MINDY4: variants seen among roughly 807,000 people sequenced by gnomAD.
MINDY4 encodes the protein probable ubiquitin carboxyl-terminal hydrolase MINDY-4.
MINDY4 carries 68 observed loss-of-function variants against 87.0 expected under a neutral mutation model. That is an observed-to-expected ratio of 0.78 (90% CI 0.64 to 0.96). The LOEUF is 0.96. MINDY4 is among the 40% of genes least tolerant of loss of function. MINDY4 has a pLI of 0.00. For synonymous variants in MINDY4, 379 were observed against 363.2 expected (o/e 1.04, Z -0.50); for missense variants, 919 against 928.2 (o/e 0.99, Z 0.13).
chr7:30,852,973 C>T (rs1789458966), intron 11 of MINDY4, among the ~76,000 whole-genome samples: 1 of 152,214 alleles, frequency 6.6e-6, no homozygotes, highest in South Asian at 2.1e-4. Context: ...CTAAGGGCTG[C>T]TTCCTGCTGA....
chr7:30,825,018 G>A (rs1023732677), intron 5 of MINDY4, among the ~76,000 whole-genome samples: 1 of 152,182 alleles, frequency 6.6e-6, no homozygotes, highest in Non-Finnish European at 1.5e-5. Context: ...GGAGGTGGAG[G>A]CCTTAGCAGA....
chr7:30,786,115 G>A (rs2128166977), intron 4 of MINDY4, 123 bp downstream of exon 4: 1 of 1,333,908 alleles, frequency 7.5e-7, no homozygotes, highest in East Asian at 2.3e-5. Flanking sequence ...TCTGTGTGTG[G>A]GGTGGGAAGA....
intron 5 of MINDY4, among the ~76,000 whole-genome samples, chr7:30,792,985 C>T (rs942543970): frequency 5.4e-5 from 8 of 149,280 alleles, no homozygotes; most frequent in Non-Finnish European, 8.9e-5. Context: ...GTCTGTATTC[C>T]GTAAGTTAAT....
intron 9 of MINDY4, among the ~76,000 whole-genome samples, chr7:30,842,940 A>G (rs1001480866): frequency 7.9e-5 from 12 of 151,430 alleles, no homozygotes; most frequent in Non-Finnish European, 4.4e-5. Context: ...GCCTCCTGGG[A>G]CCTCCCCCAT....
intron 5 of MINDY4, among the ~76,000 whole-genome samples, chr7:30,813,252 G>A (rs1278429580): frequency 3.3e-5 from 5 of 152,196 alleles, no homozygotes; most frequent in Non-Finnish European, 7.3e-5. Context: ...GTGCTGCTTC[G>A]ATTTTTTCTT....
intron 5 of MINDY4, among the ~76,000 whole-genome samples, chr7:30,801,239 T>C (rs1311254353): frequency 6.6e-6 from 1 of 152,184 alleles, no homozygotes; most frequent in Non-Finnish European, 1.5e-5. Context: ...CTGCACCTCA[T>C]GGGATGAGTA....
chr7:30,866,082 A>G (rs1789926045), intron 13 of MINDY4, among the ~76,000 whole-genome samples: 1 of 152,202 alleles, frequency 6.6e-6, no homozygotes, highest in African/African-American at 2.4e-5. Context: ...CTGAGCTGTG[A>G]GGACAGTCAT....
At chr7:30,886,464 T>G (rs769146485) in intron 17 of MINDY4, among the ~76,000 whole-genome samples, 1 of 152,236 alleles carries the variant, frequency 6.6e-6, no homozygotes, top group Non-Finnish European at 1.5e-5. Context: ...GCAGCTTGCT[T>G]GGCTCTACAG....
At chr7:30,875,220 G>A (rs7783861) in intron 14 of MINDY4, among the ~76,000 whole-genome samples, 54,422 of 152,162 alleles carry the variant, frequency 0.36, 15,158 homozygotes, top group African/African-American at 0.77. Flanking sequence ...CCAGTAGCCT[G>A]CAGCATAGGA....
At chr7:30,823,956 A>G (rs950195175) in intron 5 of MINDY4, among the ~76,000 whole-genome samples, 3 of 152,168 alleles carry the variant, frequency 2.0e-5, no homozygotes, top group Non-Finnish European at 4.4e-5. Flanking sequence ...GGAAAAATTT[A>G]TGTTAATTTC....
intron 1 of MINDY4, among the ~76,000 whole-genome samples, chr7:30,772,804 C>T (rs1786684377): frequency 6.6e-6 from 1 of 152,192 alleles, no homozygotes; most frequent in African/African-American, 2.4e-5. Context: ...GGAAAGCTGA[C>T]TGTTAACATC....
intron 7 of MINDY4, among the ~76,000 whole-genome samples, chr7:30,837,026 G>A (rs10229281): frequency 0.15 from 22,562 of 152,058 alleles, 2,252 homozygotes; most frequent in East Asian, 0.39. Flanking sequence ...TGGGAATAGA[G>A]CTGCTTCATC....
chr7:30,785,512 A>G (rs557700387), intron 3 of MINDY4, among the ~76,000 whole-genome samples: 214 of 152,268 alleles, frequency 1.4e-3, no homozygotes, highest in African/African-American at 4.9e-3. Context: ...CCTGTTATGG[A>G]TCATCATCTC....
At chr7:30,827,506 A>T (rs1395044954) in intron 5 of MINDY4, among the ~76,000 whole-genome samples, 1 of 151,932 alleles carries the variant, frequency 6.6e-6, no homozygotes, top group Non-Finnish European at 1.5e-5. Flanking sequence ...CTATGCCTTA[A>T]CTCCTCTTTC....
intron 5 of MINDY4, among the ~76,000 whole-genome samples, chr7:30,805,846 G>A (rs373582763): frequency 2.0e-5 from 3 of 152,104 alleles, no homozygotes; most frequent in Non-Finnish European, 2.9e-5. Context: ...GAATAGGGCC[G>A]TTTATTCAGG....
At chr7:30,818,439 C>T (rs1788228922) in intron 5 of MINDY4, among the ~76,000 whole-genome samples, 1 of 152,138 alleles carries the variant, frequency 6.6e-6, no homozygotes, top group Non-Finnish European at 1.5e-5. Flanking sequence ...GGTGCTATTC[C>T]TAGTACTTGA....
chr7:30,777,208 G>A (rs1338080257), intron 1 of MINDY4, among the ~76,000 whole-genome samples: 4 of 151,982 alleles, frequency 2.6e-5, no homozygotes, highest in African/African-American at 7.3e-5. Context: ...TGTGCATCAC[G>A]CTCTAGAGCC....
chr7:30,790,260 G>A (rs1787280925), intron 4 of MINDY4, among the ~76,000 whole-genome samples: 1 of 152,078 alleles, frequency 6.6e-6, no homozygotes, highest in Non-Finnish European at 1.5e-5. Context: ...AGGAAGTACA[G>A]TGCATGAGCC....
chr7:30,870,277 C>G (rs1705198358), intron 13 of MINDY4, among the ~76,000 whole-genome samples: 1 of 152,228 alleles, frequency 6.6e-6, no homozygotes, highest in South Asian at 2.1e-4. Flanking sequence ...CTCCAGGTGG[C>G]ATAGGGCCAG....
Sources: allele counts gnomAD v4.1 joint callset (sites outside exome capture counted in the v4.1 genomes callset), GRCh38; gene constraint gnomAD v4.1.1; transcripts MANE v1.5; gene names NCBI Gene and HGNC (gene_info 2026-07-23, HGNC 2026-07-21).